The following TYW1B variants were observed in gnomAD, a reference collection of about 807,000 sequenced individuals.
TYW1B encodes S-adenosyl-L-methionine-dependent tRNA 4-demethylwyosine synthase TYW1B.
TYW1B carries 73 observed loss-of-function variants against 86.9 expected under a neutral mutation model. That is an observed-to-expected ratio of 0.84 (90% CI 0.70 to 1.02). TYW1B has a LOEUF of 1.02. Ranked by LOEUF, TYW1B falls within the 50% of genes least tolerant of loss-of-function variation. TYW1B has a pLI of 0.00. For missense variants in TYW1B, 637 were observed against 827.4 expected (o/e 0.77, Z 2.82); for synonymous variants, 248 against 292.8 (o/e 0.85, Z 1.56).
At chr7:72,619,421 C>CATG (rs1426810573) in intron 12 of TYW1B, among the ~76,000 whole-genome samples, 8 of 151,786 alleles carry the variant, frequency 5.3e-5, no homozygotes, top group African/African-American at 1.9e-4. Flanking sequence ...GCGGGTGGAT[C>CATG]ATGAGGTCAG....
chr7:72,581,910 G>C (rs1811161885), intron 13 of TYW1B, among the ~76,000 whole-genome samples: 2 of 151,876 alleles, frequency 1.3e-5, no homozygotes, highest in South Asian at 2.1e-4. Context: ...TGGGACTACA[G>C]GCACACGCCA....
At chr7:72,691,020 T>C (rs1461583788) in intron 11 of TYW1B, among the ~76,000 whole-genome samples, 1 of 152,214 alleles carries the variant, frequency 6.6e-6, no homozygotes, top group Non-Finnish European at 1.5e-5. Context: ...CCCAAAGTGC[T>C]GGGAATACCG....
intron 10 of TYW1B, among the ~76,000 whole-genome samples, chr7:72,701,908 A>C (rs575898341): frequency 1.3e-5 from 2 of 152,114 alleles, no homozygotes; most frequent in African/African-American, 2.4e-5. Context: ...GCAGTTTGCA[A>C]CTCTGCCTTG....
chr7:72,752,985 T>C (rs1187712784), intron 7 of TYW1B, among the ~76,000 whole-genome samples: 1 of 152,066 alleles, frequency 6.6e-6, no homozygotes, highest in East Asian at 1.9e-4. Context: ...GGGGAAAAAG[T>C]CACCATTTGA....
intron 11 of TYW1B, among the ~76,000 whole-genome samples, chr7:72,638,403 G>A (rs1554441050): frequency 2.0e-5 from 3 of 152,180 alleles, no homozygotes; most frequent in African/African-American, 7.2e-5. Context: ...ACATCAACAA[G>A]ATAAAGAAGG....
At chr7:72,584,377 AC>A (rs1811225169) in intron 13 of TYW1B, among the ~76,000 whole-genome samples, 2 of 150,562 alleles carry the variant, frequency 1.3e-5, no homozygotes, top group African/African-American at 4.9e-5. Flanking sequence ...TGTTTGTTTT[AC>A]CCCTTATTTG....
At chr7:72,649,006 T>C (rs1812998430) in intron 11 of TYW1B, among the ~76,000 whole-genome samples, 1 of 152,130 alleles carries the variant, frequency 6.6e-6, no homozygotes, top group Admixed American at 6.6e-5. Flanking sequence ...AAATGAGTAG[T>C]ATGGAGCAAT....
Position 72,766,332 on chromosome 7 carries a change from T to C in TYW1B, c.964+11084A>G, listed in dbSNP as rs111279591. Among the ~76,000 whole-genome samples, 16 of 152,332 alleles carry C rather than the reference T, an allele frequency of 1.1e-4. 1 individual carries two copies. Among genetic ancestry groups the C allele is most frequent in the African/African-American group, 3.4e-4 (14 of 41,584 alleles). The stretch of plus-strand genomic sequence containing the variant: ...ATTTTCCCTTTTTAAACTTTGAATC[T>C]GGGCCAGGCGCGGTGGCTCACGCCT... On this transcript the variant is annotated intron_variant, in intron 7 of 13. Transcript: ENST00000620995.
rs1239640717 is a variant in TYW1B at position 72,632,285 on chromosome 7, G to GTATATATATATATATATATTATA, written c.1507-3289_1507-3288insTATAATATATATATATATATATA. Among the ~76,000 whole-genome samples, 471 of 83,546 alleles carry GTATATATATATATATATATTATA rather than the reference G, an allele frequency of 5.6e-3. 32 individuals carry two copies. Among genetic ancestry groups the GTATATATATATATATATATTATA allele is most frequent in the African/African-American group, 0.031 (423 of 13,838 alleles). 54.8% of individuals were successfully genotyped at this position (83,546 alleles called of 152,430 possible). On this transcript the variant is annotated intron_variant, in intron 11 of 13. Coordinates refer to ENST00000620995, the MANE Select transcript of TYW1B (RefSeq NM_001145440.3). ...AAAAAATATATATATATATATACGT[G>GTATATATATATATATATATTATA]TATATATATATATACGTGTATATAT...
intron 9 of TYW1B, among the ~76,000 whole-genome samples, chr7:72,726,182 C>T (rs1452556001): frequency 6.6e-6 from 1 of 151,934 alleles, no homozygotes; most frequent in South Asian, 2.1e-4. Flanking sequence ...AATTTGTACC[C>T]CTACCTCCCA....
chr7:72,678,619 C>CAT lies in TYW1B; in HGVS notation c.1506+16067_1506+16068insAT, dbSNP rs1277384014. 1.9e-3 allele frequency among the ~76,000 whole-genome samples: 207 copies of CAT among 110,412 alleles called. 1 individual carries two copies. The highest frequency in any genetic ancestry group is 2.3e-3 in the Non-Finnish European group (127 of 55,472). The allele number at this position is 110,412 out of a possible 152,430, so 72.4% of individuals were successfully genotyped here. On this transcript the variant is annotated intron_variant, in intron 11 of 13. Coordinates refer to ENST00000620995, the MANE Select transcript of TYW1B (RefSeq NM_001145440.3). ...GTGGCTCACACCTGTAATTCCAGCACTTTTTTTTTTTTTTTTTTTTTTTGA... is the reference window on the plus strand; with the variant it reads ...GTGGCTCACACCTGTAATTCCAGCACATTTTTTTTTTTTTTTTTTTTTTTTGA...
intron 10 of TYW1B, among the ~76,000 whole-genome samples, 155 bp from the exon 11 acceptor site, chr7:72,694,977 T>C (rs1458703812): frequency 1.3e-5 from 2 of 152,180 alleles, no homozygotes; most frequent in African/African-American, 2.4e-5. Flanking sequence ...ATTTTAATCA[T>C]GTGACAAAAT....
At chr7:72,677,096 A>G (rs1286846130) in intron 11 of TYW1B, among the ~76,000 whole-genome samples, 1 of 152,166 alleles carries the variant, frequency 6.6e-6, no homozygotes, top group Admixed American at 6.5e-5. Context: ...CATACTTTAG[A>G]AGGGTGAACT....
intron 13 of TYW1B, among the ~76,000 whole-genome samples, chr7:72,597,198 G>A (rs114470588): frequency 0.011 from 1,392 of 123,492 alleles, no homozygotes; most frequent in African/African-American, 0.03. Flanking sequence ...CAGATTAAAA[G>A]ATACTACTAA....
At chr7:72,738,089 T>C (rs1299020220) in intron 8 of TYW1B, among the ~76,000 whole-genome samples, 2 of 7,482 alleles carry the variant, frequency 2.7e-4, no homozygotes, top group Non-Finnish European at 7.5e-4. Context: ...TCTTTCTTTC[T>C]TTTTTTTTTT....
At chr7:72,603,053 A>G (rs1230592775) in intron 13 of TYW1B, among the ~76,000 whole-genome samples, 8 of 152,214 alleles carry the variant, frequency 5.3e-5, no homozygotes, top group Non-Finnish European at 1.2e-4. Context: ...ACATAGACAG[A>G]CAGGCAAGCA....
At position 72,810,618 on chromosome 7, in the gene TYW1B, G is replaced by A. The variant is rs376029521; in HGVS notation, c.285C>T (p.Asp95=). 238 of 1,613,710 alleles carry A rather than the reference G, an allele frequency of 1.5e-4. No homozygotes were observed. The highest frequency in any genetic ancestry group is 2.4e-4 in the South Asian group (22 of 91,052). ...VCVFLVATYT[D]GLPTESAEWF... ...ACTCTGCACTTTCGGTTGGTAGGCCGTCAGTGTATGTCGCAACCAGGAAGA... is the reference window on the plus strand; with the variant it reads ...ACTCTGCACTTTCGGTTGGTAGGCCATCAGTGTATGTCGCAACCAGGAAGA... Residue 95 remains aspartate, a synonymous_variant, in exon 4 of 14, where the codon GAC becomes GAT. Coordinates refer to ENST00000620995, the MANE Select transcript of TYW1B (RefSeq NM_001145440.3).
chr7:72,627,434 T>C (rs373737277), intron 12 of TYW1B, among the ~76,000 whole-genome samples: 979 of 108,774 alleles, frequency 9.0e-3, no homozygotes, highest in African/African-American at 0.019. Flanking sequence ...GGTGACAGAG[T>C]GAGACTTCAT....
intron 7 of TYW1B, among the ~76,000 whole-genome samples, chr7:72,776,430 A>C (rs1260055182): frequency 6.6e-6 from 1 of 151,532 alleles, no homozygotes; most frequent in African/African-American, 2.4e-5. Context: ...GCATGGTGAC[A>C]TATGTCTCTA....
Sources: allele counts gnomAD v4.1 joint callset (sites outside exome capture counted in the v4.1 genomes callset), GRCh38; gene constraint gnomAD v4.1.1; transcripts MANE v1.5; gene names NCBI Gene and HGNC (gene_info 2026-07-23, HGNC 2026-07-21).